The following PTPRD variants were observed in gnomAD, a reference collection of about 807,000 sequenced individuals.
The protein encoded by PTPRD is protein tyrosine phosphatase receptor type D, also known as receptor-type tyrosine-protein phosphatase delta.
Under a neutral mutation model 214.5 loss-of-function variants are expected in PTPRD, and 34 were observed. The observed-to-expected ratio is 0.16, with a 90% CI of 0.12 to 0.21. PTPRD has a LOEUF of 0.21. PTPRD is among the 10% of genes least tolerant of loss of function. The probability of loss-of-function intolerance (pLI) is 1.00; values close to 1 mark genes in which losing one functional copy is unlikely to be tolerated. For synonymous variants in PTPRD, 1,128 were observed against 845.7 expected, an observed-to-expected ratio of 1.33 and a Z score of -5.79; for missense variants, 2,545 against 2,398.7, an observed-to-expected ratio of 1.06 and a Z score of -1.27.
chr9:8,886,465 A>T (rs1689243945), intron 11 of PTPRD, among the ~76,000 whole-genome samples: 2 of 152,128 alleles, frequency 1.3e-5, no homozygotes, highest in African/African-American at 2.4e-5. Context: ...CATGATATAG[A>T]TGTTATGGAT....
At chr9:8,324,067 T>G (rs576706454) in intron 44 of PTPRD, among the ~76,000 whole-genome samples, 1 of 151,782 alleles carries the variant, frequency 6.6e-6, no homozygotes. Flanking sequence ...AGCAAAAAGA[T>G]TAAAACTTAC....
At chr9:8,628,094 T>C (rs556920086) in intron 14 of PTPRD, among the ~76,000 whole-genome samples, 1 of 151,988 alleles carries the variant, frequency 6.6e-6, no homozygotes, top group South Asian at 2.1e-4. Flanking sequence ...AATCCTTTTG[T>C]GTGACAGTCA....
chr9:9,755,941 T>C (rs2104308), intron 6 of PTPRD, among the ~76,000 whole-genome samples: 1,631 of 152,064 alleles, frequency 0.011, 38 homozygotes, highest in African/African-American at 0.036. Flanking sequence ...CTTTTAATAA[T>C]TATATAATCA....
intron 3 of PTPRD, among the ~76,000 whole-genome samples, chr9:10,304,368 T>A (rs1317292068): frequency 6.6e-6 from 1 of 152,112 alleles, no homozygotes; most frequent in Non-Finnish European, 1.5e-5. Flanking sequence ...AAGGATGCCC[T>A]CTCTCTCCAC....
chr9:8,831,575 G>A lies in PTPRD; in HGVS notation c.-103-97629C>T, dbSNP rs192129746. On this transcript the variant is annotated intron_variant, in intron 11 of 45. Coordinates refer to ENST00000381196, the MANE Select transcript of PTPRD (RefSeq NM_002839.4). Reference sequence around the variant, plus strand: ...AATAGAAAGAGAAACAACTGGGTGAGCAATATTAAAGCTTGTTAAACTTTC... The same window carrying A: ...AATAGAAAGAGAAACAACTGGGTGAACAATATTAAAGCTTGTTAAACTTTC... Among the ~76,000 whole-genome samples, 19 of 152,202 alleles carry A rather than the reference G, an allele frequency of 1.2e-4. No homozygotes were observed. In the East Asian group the frequency reaches 3.3e-3, roughly 26 times the overall value.
At chr9:10,534,878 A>C (rs190828674) in intron 2 of PTPRD, among the ~76,000 whole-genome samples, 2 of 152,334 alleles carry the variant, frequency 1.3e-5, no homozygotes, top group Non-Finnish European at 2.9e-5. Context: ...ATGGCACAAA[A>C]CTGGTGTCTG....
At chr9:8,570,933 C>A (rs898578824) in intron 14 of PTPRD, among the ~76,000 whole-genome samples, 2 of 151,660 alleles carry the variant, frequency 1.3e-5, no homozygotes, top group Admixed American at 6.6e-5. Flanking sequence ...AGGTACAGAC[C>A]AGGCAGGCAG....
chr9:9,342,311 CACTTT>C (rs2047110518), intron 9 of PTPRD, among the ~76,000 whole-genome samples: 1 of 151,938 alleles, frequency 6.6e-6, no homozygotes, highest in Non-Finnish European at 1.5e-5. Flanking sequence ...TATTTTATGC[CACTTT>C]ACTTGAATTT....
In PTPRD at chr9:10,564,171, C is replaced by CTTTTTTTTTTTTGTTTTTTTTTTTTTTT. The variant is rs2064918624; in HGVS notation, c.-600+48226_-600+48227insAAAAAAAAAAAAAAACAAAAAAAAAAAA. ...GTGTGCACCACCACACTAGGCTATT[C>CTTTTTTTTTTTTGTTTTTTTTTTTTTTT]TTTTTTTTTTTTTTTTTTTTTTTTG... On this transcript the variant is annotated intron_variant, in intron 2 of 45. Coordinates refer to ENST00000381196, the MANE Select transcript of PTPRD (RefSeq NM_002839.4). Among the ~76,000 whole-genome samples the CTTTTTTTTTTTTGTTTTTTTTTTTTTTT allele has an allele frequency of 6.8e-5, 2 of 29,408 alleles. 1 individual carries two copies. The highest frequency in any genetic ancestry group is 1.1e-4 in the Non-Finnish European group (2 of 18,258). The allele number at this position is 29,408 out of a possible 152,430, so 19.3% of individuals were successfully genotyped here. A position where few individuals can be genotyped will look rare whatever the true frequency, so the allele number is the denominator to read the frequency against.
At chr9:8,510,446 T>C (rs900861309) in intron 21 of PTPRD, among the ~76,000 whole-genome samples, 2 of 152,210 alleles carry the variant, frequency 1.3e-5, no homozygotes, top group East Asian at 3.9e-4. Flanking sequence ...CCGCAGGCCA[T>C]GCTCAGTGAC....
At chr9:9,863,345 A>T (rs978390895) in intron 5 of PTPRD, among the ~76,000 whole-genome samples, 14 of 152,198 alleles carry the variant, frequency 9.2e-5, no homozygotes, top group Admixed American at 2.0e-4. Flanking sequence ...AATGAATCTA[A>T]GTTTTCTAGC....
intron 11 of PTPRD, among the ~76,000 whole-genome samples, chr9:8,884,438 A>G (rs1173894385): frequency 6.6e-6 from 1 of 152,232 alleles, no homozygotes; most frequent in Non-Finnish European, 1.5e-5. Flanking sequence ...GAATAAGGTG[A>G]AGAGAAAAAT....
At position 10,290,502 on chromosome 9, in the gene PTPRD, G is replaced by C. The variant is rs182099795; in HGVS notation, c.-545+50461C>G. ...TCACAGTGCAGCTTAATTCTGGAAA[G>C]CTTCTCTTTTACTTTCCTCCATATG... is the stretch of plus-strand genomic sequence containing the variant. On this transcript the variant is annotated intron_variant, in intron 3 of 45. Coordinates refer to ENST00000381196, the MANE Select transcript of PTPRD (RefSeq NM_002839.4). Among the ~76,000 whole-genome samples, 156 of 152,250 alleles carry C rather than the reference G, an allele frequency of 1.0e-3. 2 individuals carry two copies. In the South Asian group the frequency reaches 0.023, roughly 23 times the overall value.
At chr9:9,026,580 G>T (rs1377206110) in intron 10 of PTPRD, among the ~76,000 whole-genome samples, 8 of 151,866 alleles carry the variant, frequency 5.3e-5, no homozygotes, top group Non-Finnish European at 8.8e-5. Context: ...ATGTTTTGTT[G>T]CTGCCTATAA....
At chr9:9,633,299 C>A (rs10977902) in intron 7 of PTPRD, among the ~76,000 whole-genome samples, 1 of 150,500 alleles carries the variant, frequency 6.6e-6, no homozygotes, top group Non-Finnish European at 1.5e-5. Flanking sequence ...GAGACTCCAT[C>A]TCAGGGAAAA....
At chr9:9,498,520 A>T (rs1232769764) in intron 8 of PTPRD, among the ~76,000 whole-genome samples, 3 of 152,144 alleles carry the variant, frequency 2.0e-5, no homozygotes, top group South Asian at 2.1e-4. Flanking sequence ...TTCAGTAAAC[A>T]GTATTTAAGA....
chr9:10,232,572 T>C (rs1032449021), intron 3 of PTPRD, among the ~76,000 whole-genome samples: 2 of 152,014 alleles, frequency 1.3e-5, no homozygotes, highest in Admixed American at 6.6e-5. Flanking sequence ...GCGTTTTGCA[T>C]AGATAATAAA....
chr9:8,493,999 GAC>G (rs780088083), intron 26 of PTPRD, among the ~76,000 whole-genome samples: 1 of 141,900 alleles, frequency 7.0e-6, no homozygotes, highest in African/African-American at 2.6e-5. Context: ...GACACACACA[GAC>G]ACACAGACAC....
chr9:9,040,104 G>C (rs1182465918), intron 10 of PTPRD, among the ~76,000 whole-genome samples: 1 of 152,106 alleles, frequency 6.6e-6, no homozygotes, highest in Admixed American at 6.5e-5. Flanking sequence ...GCTCACAGAT[G>C]TTCCTTAAGT....
Sources: gnomAD v4.1 joint callset for allele counts (sites outside exome capture counted in the v4.1 genomes callset) on GRCh38, gnomAD v4.1.1 for gene constraint, MANE v1.5 for transcripts, NCBI Gene and HGNC (gene_info 2026-07-23, HGNC 2026-07-21) for gene names.